TACR3: variants seen among roughly 807,000 people sequenced by gnomAD.
TACR3 encodes neuromedin-K receptor.
TACR3 carries 34 observed loss-of-function variants against 35.0 expected under a neutral mutation model. The observed-to-expected ratio is 0.97, with a 90% confidence interval of 0.74 to 1.30. The LOEUF (loss-of-function observed/expected upper bound fraction) is 1.30, where lower values mean the gene tolerates loss of function less well. TACR3 is among the 50% of genes most tolerant of loss of function. The pLI is 0.00. For missense variants in TACR3, 558 were observed against 591.7 expected (o/e 0.94, Z 0.59); for synonymous variants, 233 against 221.1 (o/e 1.05, Z -0.48).
At chr4:103,598,666 A>T (rs1414339553) in intron 3 of TACR3, among the ~76,000 whole-genome samples, 1 of 152,284 alleles carries the variant, frequency 6.6e-6, no homozygotes, top group Middle Eastern at 3.4e-3. Flanking sequence ...TCAGCTTTCT[A>T]CATATGGCTA....
At chr4:103,674,942 A>G (rs1277997458) in intron 1 of TACR3, among the ~76,000 whole-genome samples, 1 of 152,238 alleles carries the variant, frequency 6.6e-6, no homozygotes, top group Non-Finnish European at 1.5e-5. Flanking sequence ...AAATAGATGT[A>G]AATTATTTTA....
intron 1 of TACR3, among the ~76,000 whole-genome samples, chr4:103,670,544 T>G (rs1578251038): frequency 6.6e-6 from 1 of 151,966 alleles, no homozygotes; most frequent in African/African-American, 2.4e-5. Flanking sequence ...TGGTTAAGTT[T>G]ATTCCTGGGT....
intron 3 of TACR3, among the ~76,000 whole-genome samples, chr4:103,629,776 A>G (rs1321267235): frequency 6.7e-6 from 1 of 148,450 alleles, no homozygotes; most frequent in Non-Finnish European, 1.5e-5. Flanking sequence ...TCTTCACAGA[A>G]TTGGAATAAA....
chr4:103,654,380 A>C (rs150863310), intron 3 of TACR3, among the ~76,000 whole-genome samples: 1 of 148,972 alleles, frequency 6.7e-6, no homozygotes, highest in African/African-American at 2.6e-5. Flanking sequence ...AAAAATGATG[A>C]GTTCATGTCC....
chr4:103,661,733 A>G (rs1725839465), intron 1 of TACR3, among the ~76,000 whole-genome samples: 1 of 152,152 alleles, frequency 6.6e-6, no homozygotes, highest in African/African-American at 2.4e-5. Flanking sequence ...CTTGAATTAC[A>G]TGGAAATAAT....
At chr4:103,668,786 G>A (rs1725986810) in intron 1 of TACR3, among the ~76,000 whole-genome samples, 1 of 150,178 alleles carries the variant, frequency 6.7e-6, no homozygotes, top group African/African-American at 2.5e-5. Context: ...GAAGTGGAGG[G>A]TACAGAGAGC....
At chr4:103,719,041 G>A (rs1723150051) in intron 1 of TACR3, 87 bp downstream of exon 1, 7 of 1,557,608 alleles carry the variant, frequency 4.5e-6, no homozygotes, top group South Asian at 2.3e-5. Flanking sequence ...ACCCCGTTAC[G>A]TTACTATTTC....
chr4:103,664,266 T>C (rs966442683), intron 1 of TACR3, among the ~76,000 whole-genome samples: 2 of 152,244 alleles, frequency 1.3e-5, no homozygotes, highest in Non-Finnish European at 2.9e-5. Flanking sequence ...TGGTCTTTTA[T>C]GTTTACTTAT....
Position 103,719,190 on chromosome 4 carries a change from G to T in TACR3, c.486C>A (p.Asn162Lys). Residue 162 changes from asparagine (N) to lysine (K), a missense_variant, in exon 1 of 5, where the codon AAC (asparagine) becomes AAA (lysine). Coordinates refer to ENST00000304883, the MANE Select transcript of TACR3 (RefSeq NM_001059.3). ...YFGANYCRFQNFFPITAVFAS... is the reference protein window; with the variant it reads ...YFGANYCRFQKFFPITAVFAS... ...CGAACACAGCTGTGATAGGAAAGAA[G>T]TTCTGGAAGCGGCAGTAGTTGGCGC... The T allele has an allele frequency of 6.2e-7, 1 of 1,614,206 alleles. No homozygotes were observed. The highest frequency in any genetic ancestry group is 1.1e-5 in the South Asian group (1 of 91,080).
At chr4:103,669,921 T>TG (rs1726019105) in intron 1 of TACR3, among the ~76,000 whole-genome samples, 1 of 152,084 alleles carries the variant, frequency 6.6e-6, no homozygotes, top group South Asian at 2.1e-4. Flanking sequence ...TTTTCCACAA[T>TG]GTTTTCTAAT....
chr4:103,682,533 C>A (rs1427997855), intron 1 of TACR3, among the ~76,000 whole-genome samples: 3 of 152,078 alleles, frequency 2.0e-5, no homozygotes, highest in South Asian at 2.1e-4. Context: ...AAACCACCCC[C>A]ATGATTCAAT....
intron 3 of TACR3, among the ~76,000 whole-genome samples, chr4:103,602,277 A>T (rs1228702204): frequency 6.6e-6 from 1 of 151,870 alleles, no homozygotes; most frequent in Non-Finnish European, 1.5e-5. Context: ...TATTCTAGTT[A>T]TCCATTTGTC....
At position 103,607,068 on chromosome 4, in the gene TACR3, G is replaced by A. The variant is rs188582617; in HGVS notation, c.889-15385C>T. On this transcript the variant is annotated intron_variant, in intron 3 of 4. Coordinates refer to ENST00000304883, the MANE Select transcript of TACR3 (RefSeq NM_001059.3). ...TTTTGGCTTCATCCCTGGGATGCAA[G>A]GCTGGTTCAATATACGCAAATCAAT... Among the ~76,000 whole-genome samples the A allele has an allele frequency of 1.2e-3, 189 of 152,248 alleles. 1 individual carries two copies. In the Middle Eastern group the frequency reaches 0.024, roughly 19 times the overall value.
intron 3 of TACR3, among the ~76,000 whole-genome samples, chr4:103,631,440 T>C (rs189144798): frequency 1.3e-5 from 2 of 152,174 alleles, no homozygotes; most frequent in Non-Finnish European, 2.9e-5. Flanking sequence ...TGTATTATTT[T>C]ACTTATGGCA....
At position 103,658,318 on chromosome 4, in the gene TACR3, A is replaced by G. The variant is rs1725771903; in HGVS notation, c.634T>C (p.Phe212Leu). 1 of 1,613,994 alleles carries G rather than the reference A, an allele frequency of 6.2e-7. No homozygotes were observed. Among genetic ancestry groups the G allele is most frequent in the East Asian group, 2.2e-5 (1 of 44,818 alleles). The change falls in exon 2 of 5, where the codon TTT (phenylalanine) becomes CTT (leucine). Residue 212 changes from phenylalanine to leucine, a missense_variant. Physicochemically the swap from Phe to Leu is conservative, Grantham distance 22. Coordinates refer to ENST00000304883, the MANE Select transcript of TACR3 (RefSeq NM_001059.3). ...IVIGSIWILA[F>L]LLAFPQCLYS... Reference sequence around the variant, plus strand: ...AGACACTGAGGGAAGGCAAGTAGAAATGCTAGAATCCAAATACTTCCAATG... The same window carrying G: ...AGACACTGAGGGAAGGCAAGTAGAAGTGCTAGAATCCAAATACTTCCAATG...
chr4:103,641,382 C>A (rs552994974), intron 3 of TACR3, among the ~76,000 whole-genome samples: 1 of 151,852 alleles, frequency 6.6e-6, no homozygotes, highest in Non-Finnish European at 1.5e-5. Flanking sequence ...AAATGTTCAA[C>A]AGTACTAATC....
intron 1 of TACR3, among the ~76,000 whole-genome samples, chr4:103,687,926 GC>G (rs1295389205): frequency 7.9e-5 from 12 of 152,092 alleles, no homozygotes; most frequent in Non-Finnish European, 1.6e-4. Context: ...CCAAAAAAGA[GC>G]CCGCATCGCC....
At chr4:103,627,352 TAAAAA>T (rs869215834) in intron 3 of TACR3, among the ~76,000 whole-genome samples, 90 of 82,488 alleles carry the variant, frequency 1.1e-3, no homozygotes, top group African/African-American at 4.2e-3. Flanking sequence ...GTGTTTCCAT[TAAAAA>T]AAAAAAAAAA....
chr4:103,591,465 C>A, intron 4 of TACR3, 22 bp downstream of exon 4: 3 of 1,613,156 alleles, frequency 1.9e-6, no homozygotes, highest in Non-Finnish European at 2.5e-6. Context: ...AAGCAACTTG[C>A]ATTTCGTAGT....
Sources: allele counts gnomAD v4.1 joint callset (sites outside exome capture counted in the v4.1 genomes callset), GRCh38; gene constraint gnomAD v4.1.1; transcripts MANE v1.5; gene names NCBI Gene and HGNC (gene_info 2026-07-23, HGNC 2026-07-21).